The following MCTP2 variants were observed in gnomAD, a reference collection of about 807,000 sequenced individuals.
The protein encoded by MCTP2 is multiple C2 and transmembrane domain containing 2.
A neutral mutation model predicts 111.6 loss-of-function variants in MCTP2; 132 were observed. That is an observed-to-expected ratio of 1.18 (90% CI 1.03 to 1.37). MCTP2 has a LOEUF of 1.37. Ranked by LOEUF, MCTP2 falls within the 40% of genes most tolerant of loss-of-function variation. The probability of loss-of-function intolerance (pLI) is 0.00; values close to 1 mark genes in which losing one functional copy is unlikely to be tolerated. For synonymous variants in MCTP2, 395 were observed against 387.7 expected (o/e 1.02, Z -0.22); for missense variants, 1,183 against 1,067.9 (o/e 1.11, Z -1.50).
At chr15:94,278,934 T>G (rs986327857) in intron 1 of MCTP2, among the ~76,000 whole-genome samples, 2 of 152,166 alleles carry the variant, frequency 1.3e-5, no homozygotes, top group Non-Finnish European at 2.9e-5. Flanking sequence ...TCGAAGTTTG[T>G]TGAAGATCAG....
chr15:94,473,851 T>C (rs1426757585), intron 21 of MCTP2, among the ~76,000 whole-genome samples: 1 of 152,198 alleles, frequency 6.6e-6, no homozygotes, highest in Non-Finnish European at 1.5e-5. Flanking sequence ...CATATGAATA[T>C]CTGAAAAATG....
intron 20 of MCTP2, among the ~76,000 whole-genome samples, chr15:94,460,920 T>G (rs1454616663): frequency 2.0e-5 from 3 of 152,044 alleles, no homozygotes; most frequent in Non-Finnish European, 4.4e-5. Flanking sequence ...CCATTGTAAC[T>G]CAGTGCTTAA....
intron 8 of MCTP2, among the ~76,000 whole-genome samples, chr15:94,354,684 T>G (rs1255531924): frequency 6.6e-6 from 1 of 152,188 alleles, no homozygotes; most frequent in Admixed American, 6.5e-5. Context: ...AATATGTGTT[T>G]TCTTGAATGT....
chr15:94,440,888 G>A (rs914245466), intron 18 of MCTP2, among the ~76,000 whole-genome samples: 6 of 151,994 alleles, frequency 3.9e-5, no homozygotes, highest in Non-Finnish European at 8.8e-5. Context: ...ACATCTCTCC[G>A]CATCTACTCA....
chr15:94,440,328 G>T, intron 18 of MCTP2, 30 bp downstream of exon 18: 1 of 1,611,974 alleles, frequency 6.2e-7, no homozygotes, highest in South Asian at 1.1e-5. Context: ...TCTGACATTT[G>T]ACTGCCGAGA....
chr15:94,305,965 G>A (rs2075860440), intron 2 of MCTP2, among the ~76,000 whole-genome samples: 1 of 152,048 alleles, frequency 6.6e-6, no homozygotes, highest in South Asian at 2.1e-4. Flanking sequence ...AACATGCATT[G>A]TAAAATCAGC....
chr15:94,435,629 C>CTTTT lies in MCTP2; in HGVS notation c.2086-4530_2086-4527dup, dbSNP rs202170550. Among the ~76,000 whole-genome samples, 266 of 117,910 alleles carry CTTTT rather than the reference C, an allele frequency of 2.3e-3. 9 individuals carry two copies. Among genetic ancestry groups the CTTTT allele is most frequent in the African/African-American group, 7.6e-3 (243 of 32,030 alleles). The allele number at this position is 117,910 out of a possible 152,430, so 77.4% of individuals were successfully genotyped here. A position where few individuals can be genotyped will look rare whatever the true frequency, so the allele number is the denominator to read the frequency against. On this transcript the variant is annotated intron_variant, in intron 17 of 22. Transcript: ENST00000357742. ...CTAAAAAAGTTGTACTTTTTTTATT[C>CTTTT]TTTTTTTTTTTTTTTTTTTTGAGAC...
chr15:94,299,375 C>A (rs1016142688), intron 2 of MCTP2, among the ~76,000 whole-genome samples: 1 of 151,994 alleles, frequency 6.6e-6, no homozygotes, highest in African/African-American at 2.4e-5. Context: ...TGTAGAAAAA[C>A]CATGCATATT....
At chr15:94,358,143 T>C (rs1411652185) in intron 9 of MCTP2, among the ~76,000 whole-genome samples, 1 of 152,236 alleles carries the variant, frequency 6.6e-6, no homozygotes, top group Non-Finnish European at 1.5e-5. Flanking sequence ...GCAATTAGTG[T>C]GATGTCCTAT....
intron 14 of MCTP2, among the ~76,000 whole-genome samples, chr15:94,394,706 A>G (rs994350668): frequency 6.6e-5 from 10 of 152,090 alleles, no homozygotes; most frequent in Admixed American, 4.6e-4. Flanking sequence ...CAGAGGTTGC[A>G]GTGAACCAAG....
At position 94,390,062 on chromosome 15, in the gene MCTP2, A is replaced by ATG. The variant is rs1567601921; in HGVS notation, c.1788+4538_1788+4539insGT. On this transcript the variant is annotated intron_variant, in intron 14 of 22. Transcript: ENST00000357742. ...GAATGTTCAAGGCATATATATATAT[A>ATG]TATATATATATATATATATATATAT... 4.0e-3 allele frequency among the ~76,000 whole-genome samples: 41 copies of ATG among 10,272 alleles called. 1 individual carries two copies. Among genetic ancestry groups the ATG allele is most frequent in the African/African-American group, 8.2e-3 (40 of 4,904 alleles). 6.7% of individuals were successfully genotyped at this position (10,272 alleles called of 152,430 possible). A position where few individuals can be genotyped will look rare whatever the true frequency, so the allele number is the denominator to read the frequency against.
chr15:94,244,141 T>G (rs1264062062), intron 1 of MCTP2, among the ~76,000 whole-genome samples: 1 of 146,698 alleles, frequency 6.8e-6, no homozygotes, highest in Admixed American at 6.7e-5. Flanking sequence ...TACACATGCA[T>G]ATGTGTATAT....
chr15:94,435,886 C>G (rs1243416787), intron 17 of MCTP2, among the ~76,000 whole-genome samples: 3 of 151,908 alleles, frequency 2.0e-5, no homozygotes, highest in Non-Finnish European at 4.4e-5. Flanking sequence ...CCGCCTCGGC[C>G]TCCCAAAGTG....
chr15:94,298,945 C>G (rs1272352439), intron 2 of MCTP2, among the ~76,000 whole-genome samples: 1 of 7,498 alleles, frequency 1.3e-4, no homozygotes, highest in Admixed American at 1.9e-3. Flanking sequence ...CTCCCTCTCT[C>G]CCTCTCTCCC....
chr15:94,389,396 G>T (rs1245660311), intron 14 of MCTP2, among the ~76,000 whole-genome samples: 3 of 152,088 alleles, frequency 2.0e-5, no homozygotes, highest in African/African-American at 7.2e-5. Context: ...GTTTTAGCAG[G>T]GAGCCACTGA....
At chr15:94,403,102 G>T in intron 17 of MCTP2, 4 of 986,516 alleles carry the variant, frequency 4.1e-6, no homozygotes, top group Non-Finnish European at 4.8e-6. Flanking sequence ...TTTGCCATTG[G>T]GGGGTATTTT....
intron 12 of MCTP2, among the ~76,000 whole-genome samples, chr15:94,375,051 C>T (rs117797819): frequency 5.3e-5 from 8 of 152,048 alleles, no homozygotes; most frequent in African/African-American, 1.7e-4. Context: ...TTCTGCAGGC[C>T]GTACAAGAAG....
At chr15:94,470,480 C>G in intron 21 of MCTP2, 38 bp downstream of exon 21, 1 of 1,306,092 alleles carries the variant, frequency 7.7e-7, no homozygotes, top group Non-Finnish European at 1.1e-6. Flanking sequence ...CAATCAATTC[C>G]AGGTAAGAAC....
At position 94,458,152 on chromosome 15, in the gene MCTP2, G is replaced by C. The variant is rs1198658550; in HGVS notation, c.2266G>C (p.Gly756Arg). ...DEDDKESEKK[G>R]LIERIYMVQD... ...TGTTTTCTAGGAATCTGAGAAAAAG[G>C]GGTTGATTGAAAGAATCTATATGGT... The change falls in exon 20 of 23, where the codon GGG becomes CGG. Residue 756 changes from glycine to arginine, a missense_variant. Transcript: ENST00000357742. 6.2e-7 allele frequency: 1 copy of C among 1,604,500 alleles called. No homozygotes were observed. Among genetic ancestry groups the C allele is most frequent in the Non-Finnish European group, 8.5e-7 (1 of 1,171,554 alleles).
Sources: allele counts gnomAD v4.1 joint callset (sites outside exome capture counted in the v4.1 genomes callset), GRCh38; gene constraint gnomAD v4.1.1; transcripts MANE v1.5; gene names NCBI Gene and HGNC (gene_info 2026-07-23, HGNC 2026-07-21).